The following RIPOR3 variants were observed in gnomAD, a reference collection of about 807,000 sequenced individuals.
RIPOR3 encodes the protein RIPOR family member 3, also known as family with sequence similarity 65 member C.
In RIPOR3, 95 loss-of-function variants were observed where a neutral mutation model predicts 114.3. That is an observed-to-expected ratio of 0.83 (90% CI 0.70 to 0.99). RIPOR3 has a LOEUF of 0.99. Among genes scored for constraint, RIPOR3 ranks in the 50% least tolerant of loss-of-function variants. The pLI, the probability that RIPOR3 is intolerant of heterozygous loss-of-function variation, is 0.00. For synonymous variants in RIPOR3, 575 were observed against 543.8 expected (o/e 1.06, Z -0.80); for missense variants, 1,252 against 1,266.9 (o/e 0.99, Z 0.18).
chr20:50,618,177 G>C (rs1183362493), intron 3 of RIPOR3, among the ~76,000 whole-genome samples: 1 of 146,980 alleles, frequency 6.8e-6, no homozygotes, highest in African/African-American at 2.6e-5. Flanking sequence ...TGAGGCAGGA[G>C]AATAGCTTGA....
intron 1 of RIPOR3, among the ~76,000 whole-genome samples, chr20:50,669,652 C>A (rs1023682306): frequency 1.3e-5 from 2 of 152,092 alleles, no homozygotes; most frequent in African/African-American, 4.8e-5. Flanking sequence ...GGGGTGGGGC[C>A]CCTGGAGGTG....
At chr20:50,664,891 T>C (rs2086129339) in intron 1 of RIPOR3, among the ~76,000 whole-genome samples, 2 of 150,976 alleles carry the variant, frequency 1.3e-5, no homozygotes, top group Non-Finnish European at 3.0e-5. Context: ...CACCTGAGGT[T>C]AGGAGTTTGA....
chr20:50,607,714 G>C (rs139771204), intron 11 of RIPOR3, among the ~76,000 whole-genome samples: 345 of 152,292 alleles, frequency 2.3e-3, no homozygotes, highest in Non-Finnish European at 4.2e-3. Context: ...CAGCTCACGA[G>C]GGAGAGGGCA....
At chr20:50,588,766 A>AG (rs2083007496) in intron 20 of RIPOR3, among the ~76,000 whole-genome samples, 1 of 150,716 alleles carries the variant, frequency 6.6e-6, no homozygotes, top group South Asian at 2.1e-4. Flanking sequence ...AAAAAAAAAA[A>AG]AAGAAAAAAA....
chr20:50,595,530 A>G (rs1390111498), intron 15 of RIPOR3, 26 bp from the exon 16 acceptor site: 3 of 1,612,084 alleles, frequency 1.9e-6, no homozygotes, highest in South Asian at 2.2e-5. Context: ...GATGCTCCAG[A>G]TTAGCATGGA....
chr20:50,674,497 T>G (rs2086624300), intron 1 of RIPOR3, among the ~76,000 whole-genome samples: 2 of 151,218 alleles, frequency 1.3e-5, no homozygotes, highest in South Asian at 2.1e-4. Context: ...TTAGGTGGTG[T>G]TGTGAGTTGA....
intron 1 of RIPOR3, among the ~76,000 whole-genome samples, chr20:50,641,524 A>G (rs1412975031): frequency 6.6e-6 from 1 of 152,212 alleles, no homozygotes; most frequent in Non-Finnish European, 1.5e-5. Context: ...CTGGGACTAC[A>G]GGTGTGAGCC....
chr20:50,608,120 G>A (rs111354034), intron 11 of RIPOR3, among the ~76,000 whole-genome samples: 474 of 152,268 alleles, frequency 3.1e-3, no homozygotes, highest in African/African-American at 0.011. Flanking sequence ...GGGAGGCCCC[G>A]GAAAGTGTCC....
chr20:50,671,164 T>C (rs575045678), intron 1 of RIPOR3, among the ~76,000 whole-genome samples: 1 of 152,274 alleles, frequency 6.6e-6, no homozygotes, highest in South Asian at 2.1e-4. Flanking sequence ...TTTTTAGTTG[T>C]ATTTTAGTTG....
chr20:50,588,147 G>A (rs2082983767), intron 20 of RIPOR3, among the ~76,000 whole-genome samples: 1 of 152,238 alleles, frequency 6.6e-6, no homozygotes, highest in South Asian at 2.1e-4. Context: ...CATCCTGGAT[G>A]CCTGCTGAAA....
intron 12 of RIPOR3, 105 bp downstream of exon 12, chr20:50,604,540 G>A (rs1568842272): frequency 1.1e-5 from 16 of 1,441,238 alleles, no homozygotes; most frequent in East Asian, 2.6e-5. Context: ...AGCTGAGCCC[G>A]AGGCTTGCCA....
chr20:50,600,614 G>A (rs2083459626), intron 13 of RIPOR3, among the ~76,000 whole-genome samples: 1 of 152,168 alleles, frequency 6.6e-6, no homozygotes, highest in South Asian at 2.1e-4. Flanking sequence ...AACAAAATTA[G>A]CCAGGCATGG....
intron 17 of RIPOR3, among the ~76,000 whole-genome samples, chr20:50,594,121 AG>A (rs1162177325): frequency 6.6e-6 from 1 of 151,964 alleles, no homozygotes; most frequent in Non-Finnish European, 1.5e-5. Flanking sequence ...ATACAAAAAA[AG>A]AAAATTAGCC....
chr20:50,665,551 G>A (rs1228114777), intron 1 of RIPOR3, among the ~76,000 whole-genome samples: 1 of 150,906 alleles, frequency 6.6e-6, no homozygotes, highest in African/African-American at 2.4e-5. Context: ...CTCCTGAGTA[G>A]CTGGGATTAC....
chr20:50,653,285 G>A (rs1337368003), intron 1 of RIPOR3: 1 of 152,192 alleles, frequency 6.6e-6, no homozygotes, highest in Non-Finnish European at 1.5e-5. Flanking sequence ...AAGTGGATCA[G>A]TCATTGCCAG....
chr20:50,601,510 A>T (rs950954735), intron 13 of RIPOR3, among the ~76,000 whole-genome samples: 2 of 152,254 alleles, frequency 1.3e-5, no homozygotes, highest in Non-Finnish European at 2.9e-5. Flanking sequence ...TTGATGTATT[A>T]GTAGGTACTA....
chr20:50,637,192 AG>A (rs2085018091), intron 1 of RIPOR3, among the ~76,000 whole-genome samples: 1 of 152,156 alleles, frequency 6.6e-6, no homozygotes, highest in African/African-American at 2.4e-5. Flanking sequence ...GACTAAGCCC[AG>A]GATGGTCACA....
intron 1 of RIPOR3, among the ~76,000 whole-genome samples, chr20:50,688,258 C>T (rs2087094770): frequency 2.0e-5 from 3 of 152,122 alleles, no homozygotes; most frequent in Admixed American, 6.6e-5. Flanking sequence ...TCAAGCAATC[C>T]TCCCACCTCA....
intron 1 of RIPOR3, among the ~76,000 whole-genome samples, chr20:50,656,256 C>T (rs1185495516): frequency 4.0e-5 from 6 of 151,806 alleles, no homozygotes; most frequent in African/African-American, 1.2e-4. Context: ...AGTCGAGGGG[C>T]CTGGGTTTGA....
Sources: gnomAD v4.1 joint callset for allele counts (sites outside exome capture counted in the v4.1 genomes callset) on GRCh38, gnomAD v4.1.1 for gene constraint, MANE v1.5 for transcripts, NCBI Gene and HGNC (gene_info 2026-07-23, HGNC 2026-07-21) for gene names.